EML6: variants seen among roughly 807,000 people sequenced by gnomAD.
EML6 encodes EMAP like 6, also known as echinoderm microtubule-associated protein-like 6.
EML6 carries 154 observed loss-of-function variants against 240.1 expected under a neutral mutation model. The observed-to-expected ratio is 0.64, with a 90% CI of 0.56 to 0.73. The LOEUF is 0.73. Ranked by LOEUF, EML6 falls within the 30% of genes least tolerant of loss-of-function variation. The probability of loss-of-function intolerance (pLI) is 0.00; values close to 1 mark genes in which losing one functional copy is unlikely to be tolerated. For missense variants in EML6, 2,964 were observed against 2,474.6 expected, an observed-to-expected ratio of 1.20 and a Z score of -4.20; for synonymous variants, 1,148 against 899.0, an observed-to-expected ratio of 1.28 and a Z score of -4.95.
chr2:54,816,683 T>C (rs556298540), intron 3 of EML6, 104 bp from the exon 4 acceptor site: 9 of 893,700 alleles, frequency 1.0e-5, no homozygotes, highest in Admixed American at 6.7e-5. Context: ...CGGTTTGTTA[T>C]AAGAAATTCA....
At chr2:54,898,972 C>T (rs10191555) in intron 21 of EML6, among the ~76,000 whole-genome samples, 135,187 of 152,282 alleles carry the variant, frequency 0.89, 60,040 homozygotes, top group Admixed American at 0.9. Flanking sequence ...GATACAGATA[C>T]ATGGAATTGG....
intron 34 of EML6, among the ~76,000 whole-genome samples, chr2:54,959,673 A>C (rs1330927251): frequency 1.3e-4 from 20 of 152,232 alleles, no homozygotes; most frequent in Non-Finnish European, 2.9e-5. Flanking sequence ...GAGGCAGGAG[A>C]ATGGCTGGAA....
intron 17 of EML6, among the ~76,000 whole-genome samples, chr2:54,886,160 C>CTTTTTTTTTTTTTTTTTTTTTTTTT (rs869107962): frequency 2.4e-5 from 2 of 82,216 alleles, no homozygotes; most frequent in African/African-American, 4.3e-5. Flanking sequence ...TTTTAACCTT[C>CTTTTTTTTTTTTTTTTTTTTTTTTT]TTTTTTTTTT....
At chr2:54,782,483 G>A (rs935562151) in intron 2 of EML6, among the ~76,000 whole-genome samples, 1 of 152,036 alleles carries the variant, frequency 6.6e-6, no homozygotes, top group Non-Finnish European at 1.5e-5. Flanking sequence ...TCAAATTCAG[G>A]CCTTGCTTTT....
At chr2:54,948,466 G>A (rs890525661) in intron 28 of EML6, among the ~76,000 whole-genome samples, 5 of 152,144 alleles carry the variant, frequency 3.3e-5, no homozygotes, top group Non-Finnish European at 5.9e-5. Context: ...ACTTAATTCT[G>A]AACAACATGA....
intron 10 of EML6, among the ~76,000 whole-genome samples, chr2:54,852,533 C>A (rs946342551): frequency 1.1e-4 from 16 of 152,170 alleles, no homozygotes; most frequent in Non-Finnish European, 2.2e-4. Context: ...GTTGGTCCAG[C>A]TGTTGGAATT....
At chr2:54,932,742 G>C (rs1035336722) in intron 28 of EML6, among the ~76,000 whole-genome samples, 1 of 152,168 alleles carries the variant, frequency 6.6e-6, no homozygotes, top group Non-Finnish European at 1.5e-5. Context: ...CCTGTATTCA[G>C]ACTTCGGTAA....
Position 54,895,034 on chromosome 2 carries a change from TC to T in EML6, c.2854+11del, listed in dbSNP as rs1469737095. ...TGTCGACTAGCTCAAAAGGTGCCAC[TC>T]CCAAACATGTAATAGAGATCTTTGT... On this transcript the variant is annotated intron_variant, in intron 20 of 41. Transcript: ENST00000356458. 2.0e-6 allele frequency: 3 copies of T among 1,531,456 alleles called. No individual in the cohort carries two copies. In the East Asian group the frequency reaches 7.3e-5, roughly 38 times the overall value. The allele number at this position is 1,531,456 out of a possible 1,614,324, so 94.9% of individuals were successfully genotyped here. A position where few individuals can be genotyped will look rare whatever the true frequency, so the allele number is the denominator to read the frequency against.
At chr2:54,958,665 C>G (rs1005411559) in intron 33 of EML6, among the ~76,000 whole-genome samples, 5 of 152,136 alleles carry the variant, frequency 3.3e-5, no homozygotes, top group Admixed American at 6.5e-5. Context: ...CACAGATGCC[C>G]CCAATTACCA....
At chr2:54,850,273 G>A in intron 10 of EML6, 55 bp downstream of exon 10, 2 of 1,490,254 alleles carry the variant, frequency 1.3e-6, no homozygotes, top group South Asian at 1.2e-5. Context: ...TGAACCAGGT[G>A]AAGGAAATAC....
At chr2:54,883,315 C>T (rs59649153) in intron 17 of EML6, among the ~76,000 whole-genome samples, 6,666 of 152,152 alleles carry the variant, frequency 0.044, 488 homozygotes, top group African/African-American at 0.15. Context: ...TCACTGTGTT[C>T]TAATTTGTTA....
intron 2 of EML6, among the ~76,000 whole-genome samples, chr2:54,727,902 A>G (rs896917892): frequency 6.6e-6 from 1 of 152,224 alleles, no homozygotes; most frequent in African/African-American, 2.4e-5. Context: ...CTCCAAGATC[A>G]TAATGAACCC....
chr2:54,957,128 G>A (rs1265381119), intron 32 of EML6, among the ~76,000 whole-genome samples: 5 of 152,066 alleles, frequency 3.3e-5, no homozygotes, highest in Non-Finnish European at 2.9e-5. Flanking sequence ...CATCTTACAG[G>A]TAAGGAAACT....
At position 54,816,866 on chromosome 2, in the gene EML6, C is replaced by T. The variant is rs911470163; in HGVS notation, c.437C>T (p.Ala146Val). The T allele has an allele frequency of 3.2e-6, 5 of 1,551,066 alleles. No individual in the cohort carries two copies. The highest frequency in any genetic ancestry group is 2.7e-5 in the African/African-American group (2 of 73,040). ...DWRKGKLLASATGHSDRIFDI... is the reference protein window; with the variant it reads ...DWRKGKLLASVTGHSDRIFDI... ...AGGAAGGGAAAACTTCTGGCGTCAG[C>T]CACCGGCCATTCTGACAGGGTAAGA... is the stretch of plus-strand genomic sequence containing the variant. The change falls in exon 4 of 42, where the codon GCC (alanine) becomes GTC (valine). Residue 146 changes from alanine (A) to valine (V), a missense_variant. Coordinates refer to ENST00000356458, the MANE Select transcript of EML6 (RefSeq NM_001039753.4).
rs111242387 is a variant in EML6, at chr2:54,794,928, A to C, written c.198-18304A>C. On this transcript the variant is annotated intron_variant, in intron 2 of 41. Coordinates refer to ENST00000356458, the MANE Select transcript of EML6 (RefSeq NM_001039753.4). Reference sequence around the variant, plus strand: ...ACTGAAGACTTTCAGGATATTGATTACCTTAAGAAGGAATCATTTGTTAAT... The same window carrying C: ...ACTGAAGACTTTCAGGATATTGATTCCCTTAAGAAGGAATCATTTGTTAAT... Among the ~76,000 whole-genome samples, 248 of 152,242 alleles carry C rather than the reference A, an allele frequency of 1.6e-3. 1 individual carries two copies. The highest frequency in any genetic ancestry group is 5.7e-3 in the African/African-American group (236 of 41,530).
chr2:54,911,254 G>A (rs1267621498), intron 25 of EML6, among the ~76,000 whole-genome samples: 3 of 152,136 alleles, frequency 2.0e-5, no homozygotes, highest in South Asian at 4.1e-4. Flanking sequence ...TACAGTTGGT[G>A]CTCTGCTTAA....
intron 26 of EML6, 49 bp downstream of exon 26, chr2:54,916,984 C>T (rs770091283): frequency 1.3e-5 from 18 of 1,370,406 alleles, no homozygotes; most frequent in Middle Eastern, 1.9e-4. Context: ...CCTTAATAAC[C>T]TTAAATATTG....
chr2:54,847,432 CG>C, intron 8 of EML6, 53 bp from the exon 9 acceptor site: 1 of 1,532,918 alleles, frequency 6.5e-7, no homozygotes. Context: ...TTGGGCTGGC[CG>C]ATGACCATGG....
At chr2:54,893,441 A>G (rs1672585839) in intron 19 of EML6, among the ~76,000 whole-genome samples, 1 of 151,702 alleles carries the variant, frequency 6.6e-6, no homozygotes, top group Non-Finnish European at 1.5e-5. Flanking sequence ...TAATGAACCC[A>G]CTCCTACAAT....
Sources: gnomAD v4.1 joint callset for allele counts (sites outside exome capture counted in the v4.1 genomes callset) on GRCh38, gnomAD v4.1.1 for gene constraint, MANE v1.5 for transcripts, NCBI Gene and HGNC (gene_info 2026-07-23, HGNC 2026-07-21) for gene names.